Variants in GALNT9 observed in about 807,000 individuals in gnomAD.
GALNT9 encodes the protein polypeptide N-acetylgalactosaminyltransferase 9, also known as GalNAc transferase 9.
In GALNT9, 47 loss-of-function variants were observed where a neutral mutation model predicts 63.1. That is an observed-to-expected ratio of 0.75 (90% CI 0.59 to 0.95). The LOEUF (loss-of-function observed/expected upper bound fraction) is 0.95, where lower values mean the gene tolerates loss of function less well. GALNT9 is among the 40% of genes least tolerant of loss of function. The probability of loss-of-function intolerance (pLI) is 0.00; values close to 1 mark genes in which losing one functional copy is unlikely to be tolerated. For synonymous variants in GALNT9, 396 were observed against 365.7 expected (o/e 1.08, Z -0.94); for missense variants, 829 against 874.8 (o/e 0.95, Z 0.66).
intron 2 of GALNT9, among the ~76,000 whole-genome samples, chr12:132,267,313 G>A (rs1045803110): frequency 6.6e-6 from 1 of 152,162 alleles, no homozygotes; most frequent in Non-Finnish European, 1.5e-5. Flanking sequence ...ACTGGAGCAG[G>A]CCACACTGGG....
At chr12:132,229,047 C>T (rs1476944106) in intron 6 of GALNT9, among the ~76,000 whole-genome samples, 1 of 152,304 alleles carries the variant, frequency 6.6e-6, no homozygotes, top group South Asian at 2.1e-4. Context: ...GCCACGTGGT[C>T]CTGGGGCACA....
chr12:132,287,070 C>T (rs1055504390), intron 1 of GALNT9, among the ~76,000 whole-genome samples: 1 of 111,930 alleles, frequency 8.9e-6, no homozygotes, highest in Non-Finnish European at 2.2e-5. Context: ...CCCCCCCCCC[C>T]CCCCGTGAGC....
In GALNT9 at chr12:132,286,320, A is replaced by G; in HGVS notation, c.349T>C (p.Tyr117His). 1 of 1,550,966 alleles carries G rather than the reference A, an allele frequency of 6.4e-7. No individual in the cohort carries two copies. The highest frequency in any genetic ancestry group is 1.2e-5 in the South Asian group (1 of 84,056). ...GQEAEGKYEE[Y>H]GYNAQLSDRI... The stretch of plus-strand genomic sequence containing the variant: ...TCGCTGAGCTGAGCGTTGTAGCCGT[A>G]CTCCTCATACTTGCCTTCCGCCTCC... The change falls in exon 2 of 11, where the codon TAC (tyrosine) becomes CAC (histidine). Residue 117 changes from tyrosine to histidine, a missense_variant. Tyr to His is a moderately conservative substitution (Grantham distance 83). Transcript: ENST00000328957. This position sits in a 1 kb window ranked among gnomAD's most constrained non-coding sequence, Gnocchi z 7.4.
intron 5 of GALNT9, among the ~76,000 whole-genome samples, chr12:132,254,024 T>C (rs199512179): frequency 3.1e-5 from 3 of 98,196 alleles, no homozygotes; most frequent in Non-Finnish European, 6.7e-5. Context: ...CACTGTTTTT[T>C]CTTTTTTTTT....
intron 6 of GALNT9, chr12:132,240,600 G>T (rs2136898792): frequency 1.3e-5 from 6 of 455,542 alleles, no homozygotes; most frequent in Middle Eastern, 3.3e-4. Context: ...TGTGGGCTCC[G>T]TGCGTGGCCC....
chr12:132,239,629 GAGAGACAGAGTC>G (rs200709309), intron 6 of GALNT9, among the ~76,000 whole-genome samples: 35,584 of 147,206 alleles, frequency 0.24, 4,531 homozygotes, highest in Middle Eastern at 0.4. Context: ...CTGAGAGACA[GAGAGACAGAGTC>G]AGAGACAGAG....
chr12:132,311,367 C>A (rs1166875374), intron 1 of GALNT9, among the ~76,000 whole-genome samples: 1 of 152,164 alleles, frequency 6.6e-6, no homozygotes, highest in Non-Finnish European at 1.5e-5. Context: ...AAGCAACCAT[C>A]AAGGCCTGAA....
intron 1 of GALNT9, among the ~76,000 whole-genome samples, chr12:132,297,502 C>G (rs1450161779): frequency 6.6e-6 from 1 of 151,726 alleles, no homozygotes; most frequent in Non-Finnish European, 1.5e-5. Flanking sequence ...CTGAGTCTCT[C>G]CCAAGATGAC....
intron 6 of GALNT9, among the ~76,000 whole-genome samples, chr12:132,204,507 T>A (rs11246993): frequency 0.19 from 29,393 of 151,964 alleles, 2,970 homozygotes; most frequent in Middle Eastern, 0.34. Context: ...GTTCACACAC[T>A]CTGCTCGATT....
chr12:132,286,162 C>T lies in GALNT9; in HGVS notation c.419+88G>A, dbSNP rs1475159567. 2.2e-6 allele frequency: 3 copies of T among 1,361,822 alleles called. No individual in the cohort carries two copies. Among genetic ancestry groups the T allele is most frequent in the Non-Finnish European group, 2.9e-6 (3 of 1,034,402 alleles). The allele number at this position is 1,361,822 out of a possible 1,614,324, so 84.4% of individuals were successfully genotyped here. On this transcript the variant is annotated intron_variant, in intron 2 of 10. Transcript: ENST00000328957. The surrounding 1 kb of genome is among the most constrained non-coding windows in gnomAD (Gnocchi z 7.4). ...GGGGGCCGCTCACTTCCCCGGCCGGCGTGGGGGGCAGTCACTTCCCTGGCC... is the reference window on the plus strand; with the variant it reads ...GGGGGCCGCTCACTTCCCCGGCCGGTGTGGGGGGCAGTCACTTCCCTGGCC...
At position 132,296,319 on chromosome 12, in the gene GALNT9, G is replaced by A. The variant is rs1881076208; in HGVS notation, c.239-9889C>T. Among the ~76,000 whole-genome samples, 1 of 152,264 alleles carries A rather than the reference G, an allele frequency of 6.6e-6. No homozygotes were observed. Among genetic ancestry groups the A allele is most frequent in the Non-Finnish European group, 1.5e-5 (1 of 68,048 alleles). On this transcript the variant is annotated intron_variant, in intron 1 of 10. Transcript: ENST00000328957. The surrounding 1 kb of genome is among the most constrained non-coding windows in gnomAD (Gnocchi z 4.2). Reference sequence around the variant, plus strand: ...GCCGTCCAGCCCACTCAGACCAGCGGACACAGGTCTGTCTGGGATCCAAGA... The same window carrying A: ...GCCGTCCAGCCCACTCAGACCAGCGAACACAGGTCTGTCTGGGATCCAAGA...
At position 132,265,244 on chromosome 12, in the gene GALNT9, T is replaced by A. The variant is rs1303228796; in HGVS notation, c.420-2619A>T. Among the ~76,000 whole-genome samples the A allele has an allele frequency of 1.3e-5, 2 of 152,154 alleles. No individual in the cohort carries two copies. The highest frequency in any genetic ancestry group is 2.9e-5 in the Non-Finnish European group (2 of 68,026). On this transcript the variant is annotated intron_variant, in intron 2 of 10. Coordinates refer to ENST00000328957, the MANE Select transcript of GALNT9 (RefSeq NM_001122636.2). This position sits in a 1 kb window ranked among gnomAD's most constrained non-coding sequence, Gnocchi z 5.3. ...AGCCCCCAGCCTTGTCCTCCTGCGC[T>A]CCTGCTGGGGATGAGGGAGAGGCCA...
At position 132,265,894 on chromosome 12, in the gene GALNT9, GTGTTGGAGCA is replaced by G. The variant is rs1879574746; in HGVS notation, c.420-3279_420-3270del. The stretch of plus-strand genomic sequence containing the variant: ...CTATATGTAATGATACATGCAGTGT[GTGTTGGAGCA>G]TGTAGGTACTGAGCATGTGTGCCAA... On this transcript the variant is annotated intron_variant, in intron 2 of 10. Coordinates refer to ENST00000328957, the MANE Select transcript of GALNT9 (RefSeq NM_001122636.2). The surrounding 1 kb of genome is among the most constrained non-coding windows in gnomAD (Gnocchi z 5.3). 6.6e-6 allele frequency among the ~76,000 whole-genome samples: 1 copy of G among 152,274 alleles called. No homozygotes were observed. The highest frequency in any genetic ancestry group is 1.5e-5 in the Non-Finnish European group (1 of 68,052).
chr12:132,198,242 C>A (rs1330173129), intron 9 of GALNT9, among the ~76,000 whole-genome samples: 1 of 152,262 alleles, frequency 6.6e-6, no homozygotes, highest in Non-Finnish European at 1.5e-5. Flanking sequence ...GTGGCTCAGA[C>A]CCAGAGCGCG....
intron 1 of GALNT9, among the ~76,000 whole-genome samples, chr12:132,290,791 G>C (rs1203249217): frequency 1.4e-5 from 1 of 71,934 alleles, no homozygotes; most frequent in African/African-American, 7.2e-5. Flanking sequence ...CACGTCCACA[G>C]CACCCACGTC....
chr12:132,281,581 G>A (rs184458300), intron 2 of GALNT9, among the ~76,000 whole-genome samples: 1 of 152,348 alleles, frequency 6.6e-6, no homozygotes, highest in East Asian at 1.9e-4. Context: ...CTATCAGTGA[G>A]GGTATAGAGC....
chr12:132,265,635 G>A lies in GALNT9; in HGVS notation c.420-3010C>T, dbSNP rs926476780. On this transcript the variant is annotated intron_variant, in intron 2 of 10. Coordinates refer to ENST00000328957, the MANE Select transcript of GALNT9 (RefSeq NM_001122636.2). This position sits in a 1 kb window ranked among gnomAD's most constrained non-coding sequence, Gnocchi z 5.3. Reference sequence around the variant, plus strand: ...CCCCACAGGACACCAGCCGACAGCCGGATGCTTACAAGTTCCTGATGCCCG... The same window carrying A: ...CCCCACAGGACACCAGCCGACAGCCAGATGCTTACAAGTTCCTGATGCCCG... Among the ~76,000 whole-genome samples, 6 of 152,244 alleles carry A rather than the reference G, an allele frequency of 3.9e-5. No individual in the cohort carries two copies. The highest frequency in any genetic ancestry group is 4.1e-4 in the South Asian group (2 of 4,822).
intron 9 of GALNT9, among the ~76,000 whole-genome samples, chr12:132,198,310 C>T (rs1197037977): frequency 3.3e-5 from 5 of 152,190 alleles, no homozygotes; most frequent in African/African-American, 1.2e-4. Flanking sequence ...CATGCAGTGC[C>T]GTGTGTGAGC....
Position 132,286,336 on chromosome 12 carries a change from T to G in GALNT9, c.333A>C (p.Glu111Asp), listed in dbSNP as rs1880590122. The part of the protein sequence containing the change: ...ATLRDDGQEA[E>D]GKYEEYGYNA... The stretch of plus-strand genomic sequence containing the variant: ...TGTAGCCGTACTCCTCATACTTGCC[T>G]TCCGCCTCCTGGCCGTCATCACGCA... Residue 111 changes from glutamate (E) to aspartate (D), a missense_variant, in exon 2 of 11, where the codon GAA (glutamate) becomes GAC (aspartate). Coordinates refer to ENST00000328957, the MANE Select transcript of GALNT9 (RefSeq NM_001122636.2). This position sits in a 1 kb window ranked among gnomAD's most constrained non-coding sequence, Gnocchi z 7.4. The G allele has an allele frequency of 6.4e-7, 1 of 1,551,188 alleles. No homozygotes were observed. Among genetic ancestry groups the G allele is most frequent in the East Asian group, 2.4e-5 (1 of 40,920 alleles).
Sources: allele counts gnomAD v4.1 joint callset (sites outside exome capture counted in the v4.1 genomes callset), GRCh38; gene constraint gnomAD v4.1.1; non-coding constraint Gnocchi (gnomAD v3.1); transcripts MANE v1.5; gene names NCBI Gene and HGNC (gene_info 2026-07-23, HGNC 2026-07-21).